SC5D: variants seen among roughly 807,000 people sequenced by gnomAD.
SC5D encodes sterol-C5-desaturase, also known as lathosterol oxidase.
In SC5D, 21 loss-of-function variants were observed where a neutral mutation model predicts 23.9. The ratio of observed to expected loss-of-function variants is 0.88; its 90% CI spans 0.62 to 1.26. The LOEUF (loss-of-function observed/expected upper bound fraction) is 1.26. Ranked by LOEUF, SC5D falls within the 50% of genes most tolerant of loss-of-function variation. SC5D has a pLI of 0.00. For missense variants in SC5D, 309 were observed against 364.8 expected (o/e 0.85, Z 1.25); for synonymous variants, 113 against 125.9 (o/e 0.90, Z 0.68).
chr11:121,311,339 C>T lies in SC5D; in HGVS notation c.*3827C>T, dbSNP rs1004916918. On this transcript the variant is annotated 3_prime_UTR_variant, in exon 5 of 5. Coordinates refer to ENST00000264027, the MANE Select transcript of SC5D (RefSeq NM_006918.5). ...CATTTTTTTATCATTTATTCATTAG[C>T]TGACATTTGCTAAGTGCTTTGGAGG... 2.6e-5 allele frequency among the ~76,000 whole-genome samples: 4 copies of T among 152,146 alleles called. No homozygotes were observed. Among genetic ancestry groups the T allele is most frequent in the Admixed American group, 2.6e-4 (4 of 15,272 alleles).
intron 3 of SC5D, chr11:121,304,702 A>G (rs1947951217): frequency 3.8e-6 from 2 of 520,920 alleles, no homozygotes; most frequent in Non-Finnish European, 6.9e-6. Context: ...GCTGTAGATG[A>G]GATTGTGTCT....
chr11:121,302,172 C>T (rs1947930578), intron 1 of SC5D, among the ~76,000 whole-genome samples: 1 of 152,126 alleles, frequency 6.6e-6, no homozygotes, highest in South Asian at 2.1e-4. Context: ...CAGAATTTTC[C>T]TTACCTGTGG....
intron 1 of SC5D, among the ~76,000 whole-genome samples, chr11:121,296,248 G>T (rs1947888438): frequency 6.6e-6 from 1 of 152,144 alleles, no homozygotes; most frequent in Non-Finnish European, 1.5e-5. Flanking sequence ...GAAATCTTTA[G>T]TGTCTCCTCA....
At chr11:121,295,238 C>A (rs181870247) in intron 1 of SC5D, among the ~76,000 whole-genome samples, 60 of 152,218 alleles carry the variant, frequency 3.9e-4, no homozygotes, top group African/African-American at 1.4e-3. Flanking sequence ...CCAAGGTGGT[C>A]GGGGACACAG....
chr11:121,306,658 A>G (rs982405842), intron 4 of SC5D, 172 bp downstream of exon 4: 1 of 690,012 alleles, frequency 1.4e-6, no homozygotes, highest in South Asian at 1.5e-5. Flanking sequence ...TTATGGGTCT[A>G]AGGGGCTGTC....
intron 1 of SC5D, among the ~76,000 whole-genome samples, chr11:121,297,608 C>T (rs909835680): frequency 6.6e-6 from 1 of 152,144 alleles, no homozygotes; most frequent in Admixed American, 6.5e-5. Context: ...TGGGAACTAC[C>T]ACCACATGTG....
At chr11:121,307,014 G>T in intron 4 of SC5D, 43 bp from the exon 5 acceptor site, 1 of 1,520,480 alleles carries the variant, frequency 6.6e-7, no homozygotes, top group Non-Finnish European at 9.1e-7. Flanking sequence ...AATGTTGCAC[G>T]GGGTAAAGTT....
rs886047868 is a variant in SC5D at position 121,311,111 on chromosome 11, C to T, written c.*3599C>T. 8.5e-5 allele frequency among the ~76,000 whole-genome samples: 13 copies of T among 152,162 alleles called. No homozygotes were observed. The highest frequency in any genetic ancestry group is 1.0e-4 in the Non-Finnish European group (7 of 68,034). On this transcript the variant is annotated 3_prime_UTR_variant, in exon 5 of 5. Coordinates refer to ENST00000264027, the MANE Select transcript of SC5D (RefSeq NM_006918.5). ...TGCCAGATTCCTTGGAAGTAGAGACCGTGTCTGAATCATCATTGTATTAAA... is the reference window on the plus strand; with the variant it reads ...TGCCAGATTCCTTGGAAGTAGAGACTGTGTCTGAATCATCATTGTATTAAA...
chr11:121,304,832 T>C (rs1565569523), intron 3 of SC5D: 1 of 277,062 alleles, frequency 3.6e-6, no homozygotes, highest in Non-Finnish European at 7.0e-6. Flanking sequence ...AAAAACAGAT[T>C]TTTAAAATGC....
Position 121,312,388 on chromosome 11 carries a change from T to C in SC5D, c.*4876T>C, listed in dbSNP as rs568264644. ...ATTTGATAAAAATGAGAAATTACATTCCCATTTCTTTAACAATTTGTAAAT... is the reference window on the plus strand; with the variant it reads ...ATTTGATAAAAATGAGAAATTACATCCCCATTTCTTTAACAATTTGTAAAT... On this transcript the variant is annotated 3_prime_UTR_variant, in exon 5 of 5. Transcript: ENST00000264027. 2.0e-5 allele frequency among the ~76,000 whole-genome samples: 3 copies of C among 152,188 alleles called. No homozygotes were observed. The highest frequency in any genetic ancestry group is 4.4e-5 in the Non-Finnish European group (3 of 68,008).
chr11:121,304,292 A>C, intron 2 of SC5D, 69 bp from the exon 3 acceptor site: 1 of 1,454,086 alleles, frequency 6.9e-7, no homozygotes, highest in Non-Finnish European at 9.6e-7. Flanking sequence ...TCCAGTCCAG[A>C]ACAGTTTTAT....
rs752614851 is a variant in SC5D, at chr11:121,306,387, A to G, written c.345A>G (p.Gly115=). The G allele has an allele frequency of 6.7e-7, 1 of 1,488,796 alleles. No homozygotes were observed. The highest frequency in any genetic ancestry group is 1.1e-5 in the South Asian group (1 of 88,448). 92.2% of individuals were successfully genotyped at this position (1,488,796 alleles called of 1,614,324 possible). A position where few individuals can be genotyped will look rare whatever the true frequency, so the allele number is the denominator to read the frequency against. The change falls in exon 4 of 5, where the codon GGA becomes GGG. Residue 115 remains glycine, a splice_region_variant and synonymous_variant. Transcript: ENST00000264027. ...LHDDLGEFPY[G]LFELVVSIIS... ...TCTGTTTCCCGTTTTCTTTTCTAGG[A>G]TTGTTTGAACTTGTCGTTAGTATAA...
chr11:121,296,313 G>A (rs943649603), intron 1 of SC5D, among the ~76,000 whole-genome samples: 15 of 152,162 alleles, frequency 9.9e-5, no homozygotes, highest in South Asian at 2.1e-4. Context: ...CCCTCCATGC[G>A]TAGTCTAACA....
In SC5D at chr11:121,310,457, T is replaced by C. The variant is rs1472093085; in HGVS notation, c.*2945T>C. On this transcript the variant is annotated 3_prime_UTR_variant, in exon 5 of 5. Coordinates refer to ENST00000264027, the MANE Select transcript of SC5D (RefSeq NM_006918.5). ...TTCAGCCCTTCTGTCTCCTGTCCCT[T>C]TTTTTTTTTTTTTTTTTGAGATGGA... Among the ~76,000 whole-genome samples, 5 of 39,652 alleles carry C rather than the reference T, an allele frequency of 1.3e-4. No individual in the cohort carries two copies. Among genetic ancestry groups the C allele is most frequent in the African/African-American group, 2.0e-4 (3 of 15,256 alleles). The allele number at this position is 39,652 out of a possible 152,430, so 26.0% of individuals were successfully genotyped here. A position where few individuals can be genotyped will look rare whatever the true frequency, so the allele number is the denominator to read the frequency against.
At chr11:121,293,369 A>G (rs1026304372) in intron 1 of SC5D, among the ~76,000 whole-genome samples, 11 of 152,312 alleles carry the variant, frequency 7.2e-5, no homozygotes, top group African/African-American at 2.6e-4. Flanking sequence ...TTTTTCTTTT[A>G]AAGGCCAGAA....
intron 1 of SC5D, among the ~76,000 whole-genome samples, chr11:121,302,244 G>A (rs993654127): frequency 3.3e-5 from 5 of 152,192 alleles, no homozygotes; most frequent in African/African-American, 4.8e-5. Context: ...GATAAAGGCC[G>A]TTTGAACACC....
intron 1 of SC5D, among the ~76,000 whole-genome samples, chr11:121,298,629 A>G (rs558322332): frequency 1.1e-4 from 17 of 152,334 alleles, no homozygotes; most frequent in African/African-American, 3.8e-4. Flanking sequence ...TGTTGAAGAA[A>G]TGCTGAACAT....
intron 1 of SC5D, among the ~76,000 whole-genome samples, chr11:121,294,608 A>G (rs1947876440): frequency 6.6e-6 from 1 of 152,210 alleles, no homozygotes; most frequent in African/African-American, 2.4e-5. Flanking sequence ...TCAAACAAAA[A>G]TCAAGTGGCA....
Position 121,312,976 on chromosome 11 carries a change from A to C in SC5D, c.*5464A>C, listed in dbSNP as rs1055048367. Among the ~76,000 whole-genome samples the C allele has an allele frequency of 6.6e-6, 1 of 152,160 alleles. No individual in the cohort carries two copies. The highest frequency in any genetic ancestry group is 2.4e-5 in the African/African-American group (1 of 41,444). On this transcript the variant is annotated 3_prime_UTR_variant, in exon 5 of 5. Coordinates refer to ENST00000264027, the MANE Select transcript of SC5D (RefSeq NM_006918.5). ...CAACTTAATGAAATTATAATTTACT[A>C]TAATTAAGTGTAGCCATTTTTACTG... is the stretch of plus-strand genomic sequence containing the variant.
Sources: allele counts gnomAD v4.1 joint callset (sites outside exome capture counted in the v4.1 genomes callset), GRCh38; gene constraint gnomAD v4.1.1; transcripts MANE v1.5; gene names NCBI Gene and HGNC (gene_info 2026-07-23, HGNC 2026-07-21).